CNEP1R1: variants seen among roughly 807,000 people sequenced by gnomAD.
CNEP1R1 encodes CTD nuclear envelope phosphatase 1 regulatory subunit 1, also known as nuclear envelope phosphatase-regulatory subunit 1.
CNEP1R1 carries 10 observed loss-of-function variants against 22.7 expected under a neutral mutation model. The observed-to-expected ratio is 0.44, with a 90% CI of 0.27 to 0.75. CNEP1R1 has a LOEUF of 0.75. CNEP1R1 is among the 30% of genes least tolerant of loss of function. The pLI, the probability that CNEP1R1 is intolerant of heterozygous loss-of-function variation, is 0.17. For missense variants in CNEP1R1, 73 were observed against 151.5 expected, an observed-to-expected ratio of 0.48 and a Z score of 2.72; for synonymous variants, 53 against 50.1, an observed-to-expected ratio of 1.06 and a Z score of -0.25.
intron 2 of CNEP1R1, among the ~76,000 whole-genome samples, chr16:50,029,226 T>C (rs2036211808): frequency 6.6e-6 from 1 of 152,208 alleles, no homozygotes; most frequent in Non-Finnish European, 1.5e-5. Context: ...GAAAATCCGA[T>C]ACTAACTGGT....
rs1218660346 is a variant in CNEP1R1, at chr16:50,036,503, A to G, written c.*1045A>G. 2 of 152,126 alleles carry G rather than the reference A, an allele frequency of 1.3e-5. No homozygotes were observed. The highest frequency in any genetic ancestry group is 6.5e-5 in the Admixed American group (1 of 15,274). The allele number at this position is 152,126 out of a possible 1,614,324, so 9.4% of individuals were successfully genotyped here. ...ATACAAGTCTACTGATAAATTATGTATTGTCTGGGAATTTGATAGTCATTG... is the reference window on the plus strand; with the variant it reads ...ATACAAGTCTACTGATAAATTATGTGTTGTCTGGGAATTTGATAGTCATTG... On this transcript the variant is annotated 3_prime_UTR_variant, in exon 6 of 6. Transcript: ENST00000427478.
At chr16:50,025,996 T>A (rs2144270197) in intron 1 of CNEP1R1, among the ~76,000 whole-genome samples, 1 of 152,326 alleles carries the variant, frequency 6.6e-6, no homozygotes, top group South Asian at 2.1e-4. Flanking sequence ...AAGACTTTGA[T>A]GTTAGGCACT....
At chr16:50,033,765 G>T (rs1299194397) in intron 4 of CNEP1R1, among the ~76,000 whole-genome samples, 1 of 151,348 alleles carries the variant, frequency 6.6e-6, no homozygotes, top group African/African-American at 2.4e-5. Flanking sequence ...TCGGGAGGCT[G>T]AGGTGGGAGA....
chr16:50,031,958 C>T lies in CNEP1R1; in HGVS notation c.172-1439C>T, dbSNP rs188074846. The stretch of plus-strand genomic sequence containing the variant: ...CTGGTGCAGGCCACACACAACAGAG[C>T]TGGCTTATGAGAAACTCCTCGGAGG... On this transcript the variant is annotated intron_variant, in intron 3 of 5. Coordinates refer to ENST00000427478, the MANE Select transcript of CNEP1R1 (RefSeq NM_001281789.2). Among the ~76,000 whole-genome samples the T allele has an allele frequency of 1.4e-4, 21 of 152,320 alleles. No individual in the cohort carries two copies. In the East Asian group the frequency reaches 3.9e-3, roughly 28 times the overall value.
intron 1 of CNEP1R1, among the ~76,000 whole-genome samples, chr16:50,025,981 C>T (rs1253251792): frequency 6.6e-6 from 1 of 152,214 alleles, no homozygotes; most frequent in Non-Finnish European, 1.5e-5. Context: ...GTCAGGTAGA[C>T]CTCGAAGACT....
In CNEP1R1 at chr16:50,033,444, C is replaced by T. The variant is rs780913831; in HGVS notation, c.219C>T (p.Ser73=). The T allele has an allele frequency of 1.2e-6, 2 of 1,603,118 alleles. No homozygotes were observed. Among genetic ancestry groups the T allele is most frequent in the Non-Finnish European group, 1.7e-6 (2 of 1,170,746 alleles). The change falls in exon 4 of 6, where the codon AGC becomes AGT. Residue 73 remains serine, a synonymous_variant. Transcript: ENST00000427478. The part of the protein sequence containing the change: ...SLWNHPFFTI[S]CITLIGLFFA... ...GGAATCACCCATTTTTCACCATTAG[C>T]TGTATCACTCTAATAGGCTTGTTCT...
intron 5 of CNEP1R1, among the ~76,000 whole-genome samples, chr16:50,034,972 T>G (rs2036263074): frequency 6.6e-6 from 1 of 152,206 alleles, no homozygotes; most frequent in South Asian, 2.1e-4. Flanking sequence ...TAGCTTCTAT[T>G]TTGATTTGCT....
intron 1 of CNEP1R1, chr16:50,025,654 C>T: frequency 1.2e-6 from 2 of 1,613,736 alleles, no homozygotes; most frequent in Non-Finnish European, 1.7e-6. Flanking sequence ...CTCACAGCCC[C>T]GCGAGTTGTA....
rs985087362 is a variant in CNEP1R1, at chr16:50,027,734, A to G, written c.97+1267A>G. On this transcript the variant is annotated intron_variant, in intron 2 of 5. Transcript: ENST00000427478. The stretch of plus-strand genomic sequence containing the variant: ...TTAATGTATACTTGGAAAAGTTACA[A>G]AATTACCCTTAGTTGATTTTTAACA... Among the ~76,000 whole-genome samples the G allele has an allele frequency of 5.3e-5, 8 of 152,260 alleles. No individual in the cohort carries two copies. In the South Asian group the frequency reaches 8.3e-4, roughly 16 times the overall value.
At chr16:50,035,119 A>G (rs936230348) in intron 5 of CNEP1R1, among the ~76,000 whole-genome samples, 4 of 152,364 alleles carry the variant, frequency 2.6e-5, no homozygotes, top group Non-Finnish European at 5.9e-5. Context: ...TGGGAGGCCA[A>G]GGCAGGAGGA....
chr16:50,028,563 A>G (rs1470170669), intron 2 of CNEP1R1, among the ~76,000 whole-genome samples: 1 of 152,124 alleles, frequency 6.6e-6, no homozygotes, highest in African/African-American at 2.4e-5. Context: ...CCTATGTTTC[A>G]CTGTTACTTG....
intron 1 of CNEP1R1, chr16:50,026,095 T>G (rs1035838372): frequency 1.9e-5 from 8 of 420,564 alleles, no homozygotes; most frequent in Admixed American, 7.9e-5. Context: ...AATGTTCGCT[T>G]TTGGCGCTGG....
intron 4 of CNEP1R1, 147 bp from the exon 5 acceptor site, chr16:50,033,955 A>G (rs886499480): frequency 1.4e-5 from 8 of 556,268 alleles, no homozygotes; most frequent in Non-Finnish European, 2.3e-5. Context: ...GCGATCTCGG[A>G]TTAGCCAGGA....
At chr16:50,032,215 G>C (rs1228257844) in intron 3 of CNEP1R1, among the ~76,000 whole-genome samples, 1 of 152,128 alleles carries the variant, frequency 6.6e-6, no homozygotes, top group Non-Finnish European at 1.5e-5. Context: ...CTCCCATCTA[G>C]TTACTAATCC....
Position 50,025,233 on chromosome 16 carries a change from G to A in CNEP1R1, c.-83G>A. On this transcript the variant is annotated 5_prime_UTR_variant, in exon 1 of 6. Transcript: ENST00000427478. ...GGCAGCGGGGAGCGGTTAGAGGTGG[G>A]AGTTGGCGCTGCGGGCCGGGCGGGG... The A allele has an allele frequency of 1.5e-6, 2 of 1,308,664 alleles. No homozygotes were observed. Among genetic ancestry groups the A allele is most frequent in the South Asian group, 1.7e-5 (1 of 58,932 alleles). The allele number at this position is 1,308,664 out of a possible 1,614,324, so 81.1% of individuals were successfully genotyped here. A position where few individuals can be genotyped will look rare whatever the true frequency, so the allele number is the denominator to read the frequency against.
intron 1 of CNEP1R1, 90 bp from the exon 2 acceptor site, chr16:50,026,306 C>T (rs2144270668): frequency 2.3e-6 from 2 of 858,790 alleles, no homozygotes; most frequent in South Asian, 2.9e-5. Context: ...AAGAGTATCT[C>T]ACATGTCGTC....
At chr16:50,035,317 G>A (rs9927260) in intron 5 of CNEP1R1, 100 bp from the exon 6 acceptor site, 74,604 of 687,838 alleles carry the variant, frequency 0.11, 4,273 homozygotes, top group African/African-American at 0.15. Context: ...ATAGAGAAGC[G>A]TTCTTATTCC....
At chr16:50,025,834 A>G (rs2036177578) in intron 1 of CNEP1R1, 1 of 707,416 alleles carries the variant, frequency 1.4e-6, no homozygotes, top group Non-Finnish European at 2.5e-6. Context: ...CACGAAGATC[A>G]CCTGTACCCC....
intron 1 of CNEP1R1, 105 bp from the exon 2 acceptor site, chr16:50,026,291 C>G: frequency 1.4e-6 from 1 of 731,776 alleles, no homozygotes. Flanking sequence ...AGACCTGAAG[C>G]AGTTAAGAGT....
Sources: gnomAD v4.1 joint callset for allele counts (sites outside exome capture counted in the v4.1 genomes callset) on GRCh38, gnomAD v4.1.1 for gene constraint, MANE v1.5 for transcripts, NCBI Gene and HGNC (gene_info 2026-07-23, HGNC 2026-07-21) for gene names.